GRAMD4: variants seen among roughly 807,000 people sequenced by gnomAD.
GRAMD4 encodes the protein GRAM domain containing 4.
A neutral mutation model predicts 83.9 loss-of-function variants in GRAMD4; 25 were observed. The observed-to-expected ratio is 0.30, with a 90% CI of 0.22 to 0.42. The LOEUF (loss-of-function observed/expected upper bound fraction) is 0.42. Among genes scored for constraint, GRAMD4 ranks in the 10% least tolerant of loss-of-function variants. The pLI is 1.00. For missense variants in GRAMD4, 593 were observed against 788.7 expected (o/e 0.75, Z 2.97); for synonymous variants, 336 against 320.9 (o/e 1.05, Z -0.50).
chr22:46,624,666 T>A (rs2081627940), intron 1 of GRAMD4, among the ~76,000 whole-genome samples: 1 of 152,148 alleles, frequency 6.6e-6, no homozygotes, highest in South Asian at 2.1e-4. Flanking sequence ...TTAAATTGAC[T>A]GAACCTTTAG....
intron 1 of GRAMD4, among the ~76,000 whole-genome samples, chr22:46,612,053 G>GAGTGC (rs1190299601): frequency 7.9e-5 from 12 of 151,398 alleles, no homozygotes; most frequent in Admixed American, 7.9e-4. Context: ...GCCCAGGCTG[G>GAGTGC]AGTGCAGTGG....
Position 46,678,669 on chromosome 22 carries a change from G to A in GRAMD4, c.*1418G>A. ...GAAACAGAAGATTCTATTTTTTACA[G>A]CGAGCAAGCTGGTTTTCTTATTTTT... On this transcript the variant is annotated 3_prime_UTR_variant, in exon 19 of 19. Transcript: ENST00000406902. 3 of 985,626 alleles carry A rather than the reference G, an allele frequency of 3.0e-6. No individual in the cohort carries two copies. The highest frequency in any genetic ancestry group is 3.6e-6 in the Non-Finnish European group (3 of 829,906). The allele number at this position is 985,626 out of a possible 1,614,324, so 61.1% of individuals were successfully genotyped here.
At chr22:46,680,999 A>G (rs2082668088), downstream of GRAMD4, among the ~76,000 whole-genome samples, 1 of 127,016 alleles carries the variant, frequency 7.9e-6, no homozygotes, top group Non-Finnish European at 1.6e-5. Flanking sequence ...TGGGCTAGGA[A>G]CCTGCCAAAC....
rs1261969995 is a variant in GRAMD4 at position 46,672,050 on chromosome 22, A to G, written c.1085-793A>G. On this transcript the variant is annotated intron_variant, in intron 13 of 18. Transcript: ENST00000406902. The surrounding 1 kb of genome is among the most constrained non-coding windows in gnomAD (Gnocchi z 4.7). Reference sequence around the variant, plus strand: ...GTCTGGCGGGCTGTGCACTGGGGGCAGCGAGACAGCCCCCAGCACTGGGAG... The same window carrying G: ...GTCTGGCGGGCTGTGCACTGGGGGCGGCGAGACAGCCCCCAGCACTGGGAG... 6.6e-6 allele frequency among the ~76,000 whole-genome samples: 1 copy of G among 152,248 alleles called. No homozygotes were observed. Among genetic ancestry groups the G allele is most frequent in the Non-Finnish European group, 1.5e-5 (1 of 68,042 alleles).
At position 46,621,897 on chromosome 22, in the gene GRAMD4, G is replaced by A. The variant is rs886895558; in HGVS notation, c.-50+1332G>A. ...GCTTGAAAAGTCTGTCTTTTTGATG[G>A]ACCCAGGGAGTTGGGTGAGGAGGGT... On this transcript the variant is annotated intron_variant, in intron 1 of 18. Transcript: ENST00000406902. The surrounding 1 kb of genome is among the most constrained non-coding windows in gnomAD (Gnocchi z 5.8). Among the ~76,000 whole-genome samples, 5 of 152,212 alleles carry A rather than the reference G, an allele frequency of 3.3e-5. No individual in the cohort carries two copies. Among genetic ancestry groups the A allele is most frequent in the African/African-American group, 1.2e-4 (5 of 41,458 alleles).
At chr22:46,587,854 C>T (rs1318055122) in intron 1 of GRAMD4, 9 of 957,662 alleles carry the variant, frequency 9.4e-6, no homozygotes, top group African/African-American at 5.4e-5. Context: ...CAGGCGTGTG[C>T]GCCAGAAGCC....
At chr22:46,585,316 G>A (rs1036401302) in intron 1 of GRAMD4, among the ~76,000 whole-genome samples, 4 of 151,464 alleles carry the variant, frequency 2.6e-5, no homozygotes, top group African/African-American at 4.9e-5. Context: ...TCAGCCTCCC[G>A]AGTAGCTGGA....
At chr22:46,680,212 G>C (rs938011413), downstream of GRAMD4, among the ~76,000 whole-genome samples, 5 of 152,054 alleles carry the variant, frequency 3.3e-5, no homozygotes, top group Admixed American at 1.3e-4. Flanking sequence ...TCTGGACACA[G>C]GGGTTTCCAG....
At position 46,658,172 on chromosome 22, in the gene GRAMD4, T is replaced by G. The variant is rs749332953; in HGVS notation, c.284-15T>G. The G allele has an allele frequency of 1.9e-6, 3 of 1,613,394 alleles. No individual in the cohort carries two copies. In the South Asian group the frequency reaches 3.3e-5, roughly 18 times the overall value. On this transcript the variant is annotated splice_polypyrimidine_tract_variant and intron_variant, in intron 3 of 18. Coordinates refer to ENST00000406902, the MANE Select transcript of GRAMD4 (RefSeq NM_015124.5). ...GACATGAGCGATGGTCACCTGGCCG[T>G]TCTCTCCCCCATAGAGGAGGAGCTC... is the stretch of plus-strand genomic sequence containing the variant.
intron 1 of GRAMD4, among the ~76,000 whole-genome samples, chr22:46,615,034 T>C (rs1308046140): frequency 1.0e-4 from 8 of 77,892 alleles, no homozygotes; most frequent in East Asian, 5.6e-4. Flanking sequence ...TTCCCCCGTG[T>C]GTAGGTTCCC....
At chr22:46,675,400 AC>A in intron 16 of GRAMD4, 67 bp from the exon 17 acceptor site, 1 of 1,042,838 alleles carries the variant, frequency 9.6e-7, no homozygotes, top group Non-Finnish European at 1.5e-6. Flanking sequence ...GCCCCGGGAG[AC>A]CCCCACCTGG....
intron 1 of GRAMD4, among the ~76,000 whole-genome samples, chr22:46,591,832 C>CAAAAA (rs34868206): frequency 5.3e-5 from 2 of 37,424 alleles, no homozygotes; most frequent in African/African-American, 1.5e-4. Flanking sequence ...GACTCTGTCT[C>CAAAAA]AAAAAAAAAA....
At chr22:46,643,976 C>T (rs933626759) in intron 3 of GRAMD4, among the ~76,000 whole-genome samples, 1 of 152,234 alleles carries the variant, frequency 6.6e-6, no homozygotes, top group African/African-American at 2.4e-5. Context: ...CATTTCCTCT[C>T]TTCCCCTGTA....
At position 46,678,876 on chromosome 22, in the gene GRAMD4, C is replaced by G. The variant is rs2082637258; in HGVS notation, c.*1625C>G. The G allele has an allele frequency of 2.0e-6, 2 of 985,956 alleles. No individual in the cohort carries two copies. Among genetic ancestry groups the G allele is most frequent in the Non-Finnish European group, 2.4e-6 (2 of 829,992 alleles). 61.1% of individuals were successfully genotyped at this position (985,956 alleles called of 1,614,324 possible). On this transcript the variant is annotated 3_prime_UTR_variant, in exon 19 of 19. Transcript: ENST00000406902. ...CACCAGATTAAGCACATGTCCTATC[C>G]CAGGCGGTGGAGCGGAGCCCCCGTG...
intron 15 of GRAMD4, 58 bp downstream of exon 15, chr22:46,673,872 G>GA (rs1471814203): frequency 1.9e-6 from 3 of 1,585,972 alleles, no homozygotes; most frequent in Non-Finnish European, 2.6e-6. Flanking sequence ...GAAGGCCCGT[G>GA]AGGGGGGCGC....
intron 3 of GRAMD4, among the ~76,000 whole-genome samples, chr22:46,656,700 G>T (rs1351447871): frequency 6.6e-6 from 1 of 152,238 alleles, no homozygotes; most frequent in Non-Finnish European, 1.5e-5. Context: ...CCTCACGCTG[G>T]TGGGGTCTGG....
chr22:46,595,468 G>A (rs2081252752), intron 1 of GRAMD4, among the ~76,000 whole-genome samples: 1 of 152,248 alleles, frequency 6.6e-6, no homozygotes, highest in Admixed American at 6.5e-5. Flanking sequence ...AAGGGGAGGT[G>A]GCGCCCTGAT....
At chr22:46,645,475 C>A (rs959595144) in intron 3 of GRAMD4, among the ~76,000 whole-genome samples, 1 of 152,186 alleles carries the variant, frequency 6.6e-6, no homozygotes, top group Non-Finnish European at 1.5e-5. Context: ...TTGACTCAGG[C>A]GCTGGTTACC....
At chr22:46,587,660 T>C (rs1177204330) in intron 1 of GRAMD4, among the ~76,000 whole-genome samples, 1 of 151,932 alleles carries the variant, frequency 6.6e-6, no homozygotes, top group East Asian at 1.9e-4. Flanking sequence ...TGTCCTGTCC[T>C]GTCCTGTGGG....
Sources: gnomAD v4.1 joint callset for allele counts (sites outside exome capture counted in the v4.1 genomes callset) on GRCh38, gnomAD v4.1.1 for gene constraint, Gnocchi (gnomAD v3.1) non-coding constraint, MANE v1.5 for transcripts, NCBI Gene and HGNC (gene_info 2026-07-23, HGNC 2026-07-21) for gene names.